Variants in EMID1 observed in about 807,000 individuals in gnomAD.
EMID1 encodes the protein EMI domain-containing protein 1.
A neutral mutation model predicts 60.6 loss-of-function variants in EMID1; 40 were observed. The observed-to-expected ratio is 0.66, with a 90% CI of 0.51 to 0.86. The LOEUF (loss-of-function observed/expected upper bound fraction) is 0.86. Ranked by LOEUF, EMID1 falls within the 40% of genes least tolerant of loss-of-function variation. The pLI is 0.00. For missense variants in EMID1, 585 were observed against 597.1 expected (o/e 0.98, Z 0.21); for synonymous variants, 242 against 231.0 (o/e 1.05, Z -0.43).
chr22:29,234,425 C>T (rs2146315899), intron 12 of EMID1, 76 bp downstream of exon 12: 2 of 1,526,484 alleles, frequency 1.3e-6, no homozygotes, highest in East Asian at 2.3e-5. Flanking sequence ...ACTCCATCCC[C>T]TGCAACCAGA....
rs1257349160 is a variant in EMID1, at chr22:29,231,580, C to T, written c.587-13C>T. 1.9e-6 allele frequency: 3 copies of T among 1,547,694 alleles called. No individual in the cohort carries two copies. Among genetic ancestry groups the T allele is most frequent in the Non-Finnish European group, 2.6e-6 (3 of 1,144,882 alleles). On this transcript the variant is annotated splice_polypyrimidine_tract_variant and intron_variant, in intron 6 of 14. Transcript: ENST00000334018. ...GATGTGGAGCTGCCAGTCTGATATG[C>T]TTTACCCCCCAGACCAAGTCGGTGC...
chr22:29,216,195 C>G, intron 3 of EMID1: 1 of 537,798 alleles, frequency 1.9e-6, no homozygotes. Context: ...CTCACCCCAC[C>G]TGGCTTCACT....
chr22:29,229,001 TG>T (rs2146272191), intron 5 of EMID1, among the ~76,000 whole-genome samples: 1 of 152,330 alleles, frequency 6.6e-6, no homozygotes, highest in Non-Finnish European at 1.5e-5. Flanking sequence ...ATTCATTCTA[TG>T]GGGCATTCAG....
At chr22:29,232,132 G>C in intron 7 of EMID1, 124 bp from the exon 8 acceptor site, 1 of 1,100,032 alleles carries the variant, frequency 9.1e-7, no homozygotes, top group Admixed American at 1.9e-5. Flanking sequence ...AGGCAGCCTA[G>C]GCCTGTGGAC....
Position 29,219,824 on chromosome 22 carries a change from C to G in EMID1, c.319+4194C>G, listed in dbSNP as rs149838876. Among the ~76,000 whole-genome samples the G allele has an allele frequency of 5.8e-3, 890 of 152,266 alleles. 10 individuals carry two copies. Among genetic ancestry groups the G allele is most frequent in the African/African-American group, 0.02 (841 of 41,556 alleles). ...AATAGCCTAAAAACAGACTGAGATT[C>G]TAGCCCAGGCCCTTCCTGTGCTCCT... On this transcript the variant is annotated intron_variant, in intron 3 of 14. Coordinates refer to ENST00000334018, the MANE Select transcript of EMID1 (RefSeq NM_133455.4).
At chr22:29,214,761 C>T (rs2040020149) in intron 1 of EMID1, among the ~76,000 whole-genome samples, 165 bp from the exon 2 acceptor site, 2 of 152,118 alleles carry the variant, frequency 1.3e-5, no homozygotes, top group Non-Finnish European at 2.9e-5. Context: ...ACAGGGACTC[C>T]CCCCAGCCAT....
rs779331447 is a variant in EMID1, at chr22:29,232,335, AGGGCCTCCTGGCCCCCCT to A, written c.762_779del (p.Gly256_Pro261del). The A allele has an allele frequency of 2.4e-4, 394 of 1,609,254 alleles. No homozygotes were observed. The highest frequency in any genetic ancestry group is 3.2e-4 in the Non-Finnish European group (375 of 1,178,976). On this transcript the variant is annotated inframe_deletion, in exon 8 of 15. Transcript: ENST00000334018. Reference sequence around the variant, plus strand: ...GAGAGAGGGGACCTCCTGGGCCACCAGGGCCTCCTGGCCCCCCTGGGCCCCCAGCCCCTGTTGGGCCAC... The same window carrying A: ...GAGAGAGGGGACCTCCTGGGCCACCAGGGCCCCCAGCCCCTGTTGGGCCAC...
chr22:29,241,427 C>G (rs892093388), intron 12 of EMID1, among the ~76,000 whole-genome samples: 1 of 152,172 alleles, frequency 6.6e-6, no homozygotes, highest in Non-Finnish European at 1.5e-5. Context: ...TCGCCCTTGT[C>G]CCCTAGGCTG....
At position 29,215,580 on chromosome 22, in the gene EMID1, C is replaced by T; in HGVS notation, c.269C>T (p.Ala90Val). The T allele has an allele frequency of 6.2e-7, 1 of 1,614,130 alleles. No homozygotes were observed. Reference sequence around the variant, plus strand: ...AAGGTGATGTACAAGATAGTGACCGCCCGTGAGTGGAGGTGCTGCCCTGGG... The same window carrying T: ...AAGGTGATGTACAAGATAGTGACCGTCCGTGAGTGGAGGTGCTGCCCTGGG... ...TYKVMYKIVT[A>V]REWRCCPGHS... The change falls in exon 3 of 15, where the codon GCC (alanine) becomes GTC (valine). Residue 90 changes from alanine (A) to valine (V), a missense_variant. Physicochemically the swap from Ala to Val is moderately conservative, Grantham distance 64. Coordinates refer to ENST00000334018, the MANE Select transcript of EMID1 (RefSeq NM_133455.4).
chr22:29,231,941 C>A (rs2040765340), intron 7 of EMID1: 2 of 571,196 alleles, frequency 3.5e-6, no homozygotes, highest in South Asian at 2.3e-5. Flanking sequence ...CATGTCCCTG[C>A]CCTTCTGGAG....
intron 3 of EMID1, among the ~76,000 whole-genome samples, chr22:29,221,131 C>T (rs1379832914): frequency 1.5e-5 from 2 of 136,450 alleles, no homozygotes; most frequent in African/African-American, 2.9e-5. Flanking sequence ...GTGTAGGGCA[C>T]GTGAGGGCCT....
At chr22:29,207,552 G>A (rs16987255) in intron 1 of EMID1, among the ~76,000 whole-genome samples, 5,428 of 152,232 alleles carry the variant, frequency 0.036, 276 homozygotes, top group African/African-American at 0.11. Flanking sequence ...GGCCCAGACC[G>A]CCCTGCAGCC....
In EMID1 at chr22:29,239,356, CCT is replaced by C. The variant is rs1032030946; in HGVS notation, c.1075-4088_1075-4087del. 4.0e-5 allele frequency among the ~76,000 whole-genome samples: 6 copies of C among 150,156 alleles called. 1 individual carries two copies. Among genetic ancestry groups the C allele is most frequent in the African/African-American group, 1.5e-4 (6 of 40,246 alleles). On this transcript the variant is annotated intron_variant, in intron 12 of 14. Transcript: ENST00000334018. ...ATGTTACCCAGGCTGGTCTCAAACT[CCT>C]GAGTTTAAGCAGTCTACCCACCTCA... is the stretch of plus-strand genomic sequence containing the variant.
chr22:29,221,568 C>T (rs921721684), intron 3 of EMID1, among the ~76,000 whole-genome samples: 1 of 151,962 alleles, frequency 6.6e-6, no homozygotes, highest in African/African-American at 2.4e-5. Context: ...TAGAGATGGG[C>T]TTTCACCATG....
Position 29,205,929 on chromosome 22 carries a change from A to C in EMID1, c.-110A>C. On this transcript the variant is annotated 5_prime_UTR_variant, in exon 1 of 15. Transcript: ENST00000334018. The stretch of plus-strand genomic sequence containing the variant: ...CCCGCCCTCCGGCCGCGGAGCTGGA[A>C]ACCGGGCTCCGCGCGTCCGGGGCGG... 1.9e-6 allele frequency: 1 copy of C among 530,612 alleles called. No individual in the cohort carries two copies. Among genetic ancestry groups the C allele is most frequent in the Non-Finnish European group, 2.4e-6 (1 of 409,896 alleles). The allele number at this position is 530,612 out of a possible 1,614,324, so 32.9% of individuals were successfully genotyped here. A position where few individuals can be genotyped will look rare whatever the true frequency, so the allele number is the denominator to read the frequency against.
At chr22:29,223,028 T>C (rs142477986) in intron 3 of EMID1, among the ~76,000 whole-genome samples, 3,275 of 152,060 alleles carry the variant, frequency 0.022, 130 homozygotes, top group African/African-American at 0.076. Flanking sequence ...GAGGCGGAGG[T>C]TGCAGTGAGC....
intron 7 of EMID1, 174 bp downstream of exon 7, chr22:29,231,856 C>G (rs1158409271): frequency 6.5e-6 from 4 of 612,382 alleles, no homozygotes; most frequent in African/African-American, 5.6e-5. Flanking sequence ...GAAGTCCTCT[C>G]TTATGTTCAC....
intron 14 of EMID1, chr22:29,255,366 T>G (rs1199250900): frequency 6.8e-7 from 1 of 1,473,260 alleles, no homozygotes; most frequent in Non-Finnish European, 9.1e-7. Flanking sequence ...GGCCAGGTAA[T>G]GGCAGGGCGG....
chr22:29,243,006 A>G (rs563944278), intron 12 of EMID1, among the ~76,000 whole-genome samples: 2 of 152,194 alleles, frequency 1.3e-5, no homozygotes, highest in Non-Finnish European at 2.9e-5. Context: ...TCCAAGCGTC[A>G]GAAAGGAACA....
Sources: allele counts gnomAD v4.1 joint callset (sites outside exome capture counted in the v4.1 genomes callset), GRCh38; gene constraint gnomAD v4.1.1; transcripts MANE v1.5; gene names NCBI Gene and HGNC (gene_info 2026-07-23, HGNC 2026-07-21).